The following COQ4 variants were observed in gnomAD, a reference collection of about 807,000 sequenced individuals.
COQ4 encodes the protein coenzyme Q4, also known as ubiquinone biosynthesis protein COQ4 homolog, mitochondrial.
A neutral mutation model predicts 30.2 loss-of-function variants in COQ4; 36 were observed. The observed-to-expected ratio is 1.19, with a 90% CI of 0.91 to 1.57. COQ4 has a LOEUF of 1.57. Among genes scored for constraint, COQ4 ranks in the 40% most tolerant of loss-of-function variants. The pLI is 0.00. For missense variants in COQ4, 369 were observed against 371.9 expected, an observed-to-expected ratio of 0.99 and a Z score of 0.07; for synonymous variants, 197 against 161.0, an observed-to-expected ratio of 1.22 and a Z score of -1.69.
Position 128,325,650 on chromosome 9 carries a change from G to C in COQ4, c.300-129G>C, listed in dbSNP as rs1037543798. The C allele has an allele frequency of 1.4e-5, 10 of 701,536 alleles. No homozygotes were observed. In the Admixed American group the frequency reaches 2.2e-4, roughly 16 times the overall value. The allele number at this position is 701,536 out of a possible 1,614,324, so 43.5% of individuals were successfully genotyped here. On this transcript the variant is annotated intron_variant, in intron 3 of 6. Transcript: ENST00000300452. Reference sequence around the variant, plus strand: ...CCTGACACTAGCCTGGCCAGTTGTAGGTGCTCCATTAAGGCTTGTGGTGGC... The same window carrying C: ...CCTGACACTAGCCTGGCCAGTTGTACGTGCTCCATTAAGGCTTGTGGTGGC...
At chr9:128,327,259 ATGG>A (rs1346139650) in intron 4 of COQ4, among the ~76,000 whole-genome samples, 1 of 151,974 alleles carries the variant, frequency 6.6e-6, no homozygotes, top group African/African-American at 2.4e-5. Context: ...TCTGACCAAC[ATGG>A]TGGAAACCTG....
chr9:128,333,566 G>A lies in COQ4; in HGVS notation c.719G>A (p.Arg240His). 5 of 1,610,456 alleles carry A rather than the reference G, an allele frequency of 3.1e-6. No homozygotes were observed. The highest frequency in any genetic ancestry group is 2.2e-5 in the East Asian group (1 of 44,536). Reference protein sequence around the residue: ...PCVLNLYYERRWEQSLRALRE... With the variant: ...PCVLNLYYERHWEQSLRALRE... Reference sequence around the variant, plus strand: ...GTCCTCAACCTGTACTATGAGCGGCGCTGGGAGCAGTCCCTGAGGGCTCTG... The same window carrying A: ...GTCCTCAACCTGTACTATGAGCGGCACTGGGAGCAGTCCCTGAGGGCTCTG... The change falls in exon 7 of 7, where the codon CGC becomes CAC. Residue 240 changes from arginine to histidine, a missense_variant. Coordinates refer to ENST00000300452, the MANE Select transcript of COQ4 (RefSeq NM_016035.5).
intron 2 of COQ4, chr9:128,323,594 G>A: frequency 5.2e-6 from 2 of 381,560 alleles, no homozygotes; most frequent in Admixed American, 4.5e-5. Flanking sequence ...ACATTCTAGG[G>A]TTCTACAGTG....
chr9:128,332,432 G>T, intron 5 of COQ4, 150 bp downstream of exon 5: 2 of 824,110 alleles, frequency 2.4e-6, no homozygotes, highest in Admixed American at 2.4e-5. Flanking sequence ...TTTGCCACAT[G>T]TCCCCCTTCT....
intron 4 of COQ4, among the ~76,000 whole-genome samples, chr9:128,328,557 C>T (rs559941518): frequency 6.6e-6 from 1 of 152,302 alleles, no homozygotes; most frequent in East Asian, 1.9e-4. Context: ...GGAGCACCCC[C>T]CCGTCAAGTT....
chr9:128,332,135 G>A lies in COQ4; in HGVS notation c.403-18G>A. On this transcript the variant is annotated intron_variant, in intron 4 of 6. Transcript: ENST00000300452. The stretch of plus-strand genomic sequence containing the variant: ...GGAACCATCAGGAAGGGTTCTAGGG[G>A]AGGCTCATGGTTGTCAGAGGGTCTC... 1.3e-6 allele frequency: 2 copies of A among 1,555,958 alleles called. No individual in the cohort carries two copies. The highest frequency in any genetic ancestry group is 8.7e-7 in the Non-Finnish European group (1 of 1,149,312).
rs769828789 is a variant in COQ4, at chr9:128,322,900, G to A, written c.42G>A (p.Gly14=). The A allele has an allele frequency of 1.3e-6, 2 of 1,594,650 alleles. No homozygotes were observed. Among genetic ancestry groups the A allele is most frequent in the Non-Finnish European group, 1.7e-6 (2 of 1,174,802 alleles). Reference sequence around the variant, plus strand: ...GCCCTGTCCTCCGTCGGCTCTGCGGGCTCCCGGGCCTACAGCGGCCTGCGG... The same window carrying A: ...GCCCTGTCCTCCGTCGGCTCTGCGGACTCCCGGGCCTACAGCGGCCTGCGG... The part of the protein sequence containing the change: ...LLRPVLRRLC[G]LPGLQRPAAE... The change falls in exon 1 of 7, where the codon GGG becomes GGA. Residue 14 remains glycine (G), a synonymous_variant. Coordinates refer to ENST00000300452, the MANE Select transcript of COQ4 (RefSeq NM_016035.5).
At chr9:128,329,765 C>T (rs560580385) in intron 4 of COQ4, among the ~76,000 whole-genome samples, 8 of 152,242 alleles carry the variant, frequency 5.3e-5, no homozygotes, top group South Asian at 2.1e-4. Flanking sequence ...CCCTAGGTGC[C>T]GGCACCTGGT....
intron 6 of COQ4, 77 bp from the exon 7 acceptor site, chr9:128,333,397 A>G: frequency 7.5e-7 from 1 of 1,335,514 alleles, no homozygotes; most frequent in African/African-American, 1.5e-5. Flanking sequence ...ATGAACTGAG[A>G]AAATGCACAA....
In COQ4 at chr9:128,333,724, T is replaced by C. The variant is rs1347063300; in HGVS notation, c.*79T>C. The C allele has an allele frequency of 4.0e-6, 5 of 1,235,336 alleles. No homozygotes were observed. The highest frequency in any genetic ancestry group is 5.4e-6 in the Non-Finnish European group (5 of 920,884). The allele number at this position is 1,235,336 out of a possible 1,614,324, so 76.5% of individuals were successfully genotyped here. On this transcript the variant is annotated 3_prime_UTR_variant, in exon 7 of 7. Transcript: ENST00000300452. Reference sequence around the variant, plus strand: ...AGGCAGAGGGCTCCCTTGACTACCTTTGTTCCTCTTCTTTGAACACTGACC... The same window carrying C: ...AGGCAGAGGGCTCCCTTGACTACCTCTGTTCCTCTTCTTTGAACACTGACC...
At chr9:128,332,406 A>G in intron 5 of COQ4, 124 bp downstream of exon 5, 1 of 1,024,172 alleles carries the variant, frequency 9.8e-7, no homozygotes, top group Non-Finnish European at 1.4e-6. Flanking sequence ...CTTTACCTGA[A>G]CATCTTAGTA....
intron 4 of COQ4, among the ~76,000 whole-genome samples, chr9:128,327,373 G>A (rs997541076): frequency 6.6e-6 from 1 of 152,030 alleles, no homozygotes; most frequent in Non-Finnish European, 1.5e-5. Context: ...AACCCGGGAG[G>A]CACAGGTTGC....
intron 4 of COQ4, chr9:128,326,138 TC>T (rs1564391105): frequency 5.2e-6 from 3 of 572,292 alleles, no homozygotes; most frequent in Non-Finnish European, 9.3e-6. Context: ...TCTTGCTGAA[TC>T]CCCCCACAAC....
intron 4 of COQ4, among the ~76,000 whole-genome samples, chr9:128,327,973 G>T (rs1588540873): frequency 6.6e-6 from 1 of 152,250 alleles, no homozygotes; most frequent in Non-Finnish European, 1.5e-5. Flanking sequence ...TTCTGACTGG[G>T]TGGTCAGGGC....
chr9:128,333,388 T>C lies in COQ4; in HGVS notation c.627-86T>C, dbSNP rs1564394126. 8.0e-6 allele frequency: 10 copies of C among 1,250,602 alleles called. No individual in the cohort carries two copies. The South Asian group carries it at 1.4e-4, about 17-fold the overall frequency. The allele number at this position is 1,250,602 out of a possible 1,614,324, so 77.5% of individuals were successfully genotyped here. On this transcript the variant is annotated intron_variant, in intron 6 of 6. Coordinates refer to ENST00000300452, the MANE Select transcript of COQ4 (RefSeq NM_016035.5). ...CCTCCTTCCGAGGCCTTTGTGAGGA[T>C]GAACTGAGAAAATGCACAAGTGCCG...
rs192595892 is a variant in COQ4 at position 128,329,087 on chromosome 9, C to T, written c.403-3066C>T. ...GTGTGGTCATCTTGTAGTATCAAGA[C>T]TACAGGCATGGGCTTGAGAATTAGG... is the stretch of plus-strand genomic sequence containing the variant. On this transcript the variant is annotated intron_variant, in intron 4 of 6. Transcript: ENST00000300452. Among the ~76,000 whole-genome samples the T allele has an allele frequency of 2.0e-3, 312 of 152,322 alleles. 1 individual carries two copies. Among genetic ancestry groups the T allele is most frequent in the Admixed American group, 9.5e-3 (145 of 15,296 alleles).
At chr9:128,323,599 A>G in intron 2 of COQ4, 2 of 379,062 alleles carry the variant, frequency 5.3e-6, no homozygotes, top group South Asian at 1.3e-4. Flanking sequence ...CTAGGGTTCT[A>G]CAGTGTTTTT....
rs193050173 is a variant in COQ4 at position 128,333,904 on chromosome 9, G to C, written c.*259G>C. On this transcript the variant is annotated 3_prime_UTR_variant, in exon 7 of 7. Transcript: ENST00000300452. Reference sequence around the variant, plus strand: ...AACAGTATCAGTCGTCTGGGCTCATGCTGGGATGTCGCAGTGCTCCTGTTG... The same window carrying C: ...AACAGTATCAGTCGTCTGGGCTCATCCTGGGATGTCGCAGTGCTCCTGTTG... 742 of 310,818 alleles carry C rather than the reference G, an allele frequency of 2.4e-3. 10 individuals carry two copies. Among genetic ancestry groups the C allele is most frequent in the African/African-American group, 0.015 (695 of 46,586 alleles). The allele number at this position is 310,818 out of a possible 1,614,324, so 19.3% of individuals were successfully genotyped here.
chr9:128,333,775 T>C lies in COQ4; in HGVS notation c.*130T>C. The C allele has an allele frequency of 1.1e-6, 1 of 897,018 alleles. No homozygotes were observed. The allele number at this position is 897,018 out of a possible 1,614,324, so 55.6% of individuals were successfully genotyped here. On this transcript the variant is annotated 3_prime_UTR_variant, in exon 7 of 7. Coordinates refer to ENST00000300452, the MANE Select transcript of COQ4 (RefSeq NM_016035.5). ...CTTGGACAACATTTATCATAATTTG[T>C]CATAACCACTGCTGAGTGGCCTTGA...
Sources: gnomAD v4.1 joint callset for allele counts (sites outside exome capture counted in the v4.1 genomes callset) on GRCh38, gnomAD v4.1.1 for gene constraint, MANE v1.5 for transcripts, NCBI Gene and HGNC (gene_info 2026-07-23, HGNC 2026-07-21) for gene names.